Variants in NRG1 observed in about 807,000 individuals in gnomAD.
NRG1 encodes neuregulin 1.
NRG1 carries 18 observed loss-of-function variants against 63.8 expected under a neutral mutation model. The ratio of observed to expected loss-of-function variants is 0.28; its 90% CI spans 0.19 to 0.42. The LOEUF (loss-of-function observed/expected upper bound fraction) is 0.42. Ranked by LOEUF, NRG1 falls within the 10% of genes least tolerant of loss-of-function variation. The pLI, the probability that NRG1 is intolerant of heterozygous loss-of-function variation, is 1.00. For synonymous variants in NRG1, 302 were observed against 301.3 expected (o/e 1.00, Z -0.02); for missense variants, 762 against 814.7 (o/e 0.94, Z 0.79).
rs543874680 is a variant in NRG1, at chr8:32,244,064, G to C, written c.38-351764G>C. ...TATATGACATGGCCGTTTGCTCCAGGACTTTTAGGAAATGTGGATCCCATT... is the reference window on the plus strand; with the variant it reads ...TATATGACATGGCCGTTTGCTCCAGCACTTTTAGGAAATGTGGATCCCATT... On this transcript the variant is annotated intron_variant, in intron 1 of 10. Transcript: ENST00000519301. Among the ~76,000 whole-genome samples, 12 of 152,214 alleles carry C rather than the reference G, an allele frequency of 7.9e-5. 1 individual carries two copies. Among genetic ancestry groups the C allele is most frequent in the Admixed American group, 7.2e-4 (11 of 15,288 alleles).
chr8:32,294,196 A>G lies in NRG1; in HGVS notation c.38-301632A>G, dbSNP rs373201585. On this transcript the variant is annotated intron_variant, in intron 1 of 10. Coordinates refer to the NRG1 transcript ENST00000519301. ...TCCCCAAGTCCTCCCCCTGCTGGTT[A>G]CCTTTCCTTTCCCACTCACATGGAG... is the stretch of plus-strand genomic sequence containing the variant. Among the ~76,000 whole-genome samples the G allele has an allele frequency of 1.4e-4, 22 of 151,996 alleles. No individual in the cohort carries two copies. The East Asian group carries it at 1.7e-3, about 12-fold the overall frequency.
intron 1 of NRG1, among the ~76,000 whole-genome samples, chr8:32,008,056 T>A (rs113801903): frequency 0.018 from 2,699 of 152,148 alleles, 85 homozygotes; most frequent in African/African-American, 0.061. Context: ...GGGACTGGTA[T>A]ATTTCTTTTG....
At chr8:32,419,454 G>A (rs1481396879) in intron 1 of NRG1, among the ~76,000 whole-genome samples, 1 of 152,096 alleles carries the variant, frequency 6.6e-6, no homozygotes, top group Non-Finnish European at 1.5e-5. Context: ...CCTCTGTCAA[G>A]GGGCATCACA....
Position 32,028,228 on chromosome 8 carries a change from C to T in NRG1, c.37+388797C>T, listed in dbSNP as rs569553741. Among the ~76,000 whole-genome samples the T allele has an allele frequency of 4.6e-5, 7 of 152,176 alleles. No individual in the cohort carries two copies. In the East Asian group the frequency reaches 1.4e-3, roughly 29 times the overall value. On this transcript the variant is annotated intron_variant, in intron 1 of 10. Transcript: ENST00000519301. ...CTTGTGTCCATACCGTTTTTTTGGC[C>T]TCACTATTCCTGAATGTGGTTTCTT...
At chr8:32,498,002 T>C (rs572044240) in intron 1 of NRG1, among the ~76,000 whole-genome samples, 1 of 152,282 alleles carries the variant, frequency 6.6e-6, no homozygotes, top group Admixed American at 6.5e-5. Flanking sequence ...TTTGTAGTTT[T>C]AGTAGAGACT....
chr8:32,755,641 G>T (rs1438882638), intron 8 of NRG1, among the ~76,000 whole-genome samples: 1 of 152,116 alleles, frequency 6.6e-6, no homozygotes, highest in South Asian at 2.1e-4. Context: ...GTATACATGG[G>T]ATACACTCAC....
chr8:32,309,317 C>A (rs1856561887), intron 1 of NRG1, among the ~76,000 whole-genome samples: 1 of 152,026 alleles, frequency 6.6e-6, no homozygotes, highest in Non-Finnish European at 1.5e-5. Flanking sequence ...TTTTACACCC[C>A]CCCACCCCAA....
chr8:32,091,984 A>G (rs1372328232), intron 1 of NRG1, among the ~76,000 whole-genome samples: 1 of 152,100 alleles, frequency 6.6e-6, no homozygotes, highest in East Asian at 1.9e-4. Flanking sequence ...CCTGCCTTAG[A>G]CAGCCAGAGA....
chr8:32,655,297 G>A (rs1801218002), intron 5 of NRG1, among the ~76,000 whole-genome samples: 1 of 152,122 alleles, frequency 6.6e-6, no homozygotes, highest in African/African-American at 2.4e-5. Flanking sequence ...GCTAAAGTAG[G>A]AATTATGCTA....
chr8:31,811,627 C>A (rs1335532778), intron 1 of NRG1, among the ~76,000 whole-genome samples: 1 of 152,068 alleles, frequency 6.6e-6, no homozygotes, highest in Non-Finnish European at 1.5e-5. Context: ...TATATCTTAT[C>A]ACTGTTTTCT....
chr8:31,926,452 C>T (rs1834363476), intron 1 of NRG1, among the ~76,000 whole-genome samples: 1 of 152,048 alleles, frequency 6.6e-6, no homozygotes, highest in Admixed American at 6.6e-5. Context: ...TCAAACATTT[C>T]CCCTGCATTT....
chr8:32,463,918 G>GTTTTTTTTTTTTTTT (rs200324300), intron 1 of NRG1, among the ~76,000 whole-genome samples: 1 of 68,640 alleles, frequency 1.5e-5, no homozygotes, highest in South Asian at 6.6e-4. Flanking sequence ...TTTTTTGGGG[G>GTTTTTTTTTTTTTTT]AGGGTCTCAT....
At chr8:32,566,232 C>G (rs1837416646) in intron 1 of NRG1, among the ~76,000 whole-genome samples, 1 of 149,874 alleles carries the variant, frequency 6.7e-6, no homozygotes, top group Admixed American at 6.8e-5. Context: ...TGGTGGGTGC[C>G]AATAATCCCA....
At chr8:32,535,397 G>C (rs867674617) in intron 1 of NRG1, among the ~76,000 whole-genome samples, 13 of 151,942 alleles carry the variant, frequency 8.6e-5, no homozygotes, top group Middle Eastern at 3.4e-3. Context: ...GTGCATTAAA[G>C]TTTATATAGC....
rs769295829 is a variant in NRG1 at position 32,760,419 on chromosome 8, G to T, written c.1259+13G>T. 1 of 1,612,704 alleles carries T rather than the reference G, an allele frequency of 6.2e-7. No homozygotes were observed. The highest frequency in any genetic ancestry group is 8.5e-7 in the Non-Finnish European group (1 of 1,179,818). Reference sequence around the variant, plus strand: ...CTCATAGTGAAAGGTAAAACCGAAGGGCAAAGCTACTGCAGAGGAGAAACT... The same window carrying T: ...CTCATAGTGAAAGGTAAAACCGAAGTGCAAAGCTACTGCAGAGGAGAAACT... On this transcript the variant is annotated intron_variant, in intron 11 of 11. Transcript: ENST00000356819.
At chr8:31,908,935 T>C (rs1020028229) in intron 1 of NRG1, among the ~76,000 whole-genome samples, 4 of 152,196 alleles carry the variant, frequency 2.6e-5, no homozygotes, top group Non-Finnish European at 5.9e-5. Context: ...TCTTTTCAAA[T>C]ATATAATTTT....
chr8:31,784,822 T>A (rs1820026165), intron 1 of NRG1, among the ~76,000 whole-genome samples: 1 of 152,200 alleles, frequency 6.6e-6, no homozygotes, highest in African/African-American at 2.4e-5. Flanking sequence ...TTTCTGGCTT[T>A]AAAAATTGGA....
chr8:32,054,504 C>A (rs369750058), intron 1 of NRG1, among the ~76,000 whole-genome samples: 3 of 152,264 alleles, frequency 2.0e-5, no homozygotes, highest in African/African-American at 7.2e-5. Flanking sequence ...CAAGGATACC[C>A]AAATGCGTAT....
chr8:32,142,719 A>G (rs1836417406), intron 1 of NRG1, among the ~76,000 whole-genome samples: 1 of 152,212 alleles, frequency 6.6e-6, no homozygotes, highest in African/African-American at 2.4e-5. Flanking sequence ...GTTCCCTTGA[A>G]CTTACAAATG....
Sources: gnomAD v4.1 joint callset for allele counts (sites outside exome capture counted in the v4.1 genomes callset) on GRCh38, gnomAD v4.1.1 for gene constraint, MANE v1.5 for transcripts, NCBI Gene and HGNC (gene_info 2026-07-23, HGNC 2026-07-21) for gene names.